The following MYO9B variants were observed in gnomAD, a reference collection of about 807,000 sequenced individuals.
MYO9B encodes the protein myosin IXB, also known as unconventional myosin-IXb.
In MYO9B, 71 loss-of-function variants were observed where a neutral mutation model predicts 229.5. That is an observed-to-expected ratio of 0.31 (90% CI 0.26 to 0.38). The LOEUF (loss-of-function observed/expected upper bound fraction) is 0.38, where lower values mean the gene tolerates loss of function less well. Among genes scored for constraint, MYO9B ranks in the 10% least tolerant of loss-of-function variants. The pLI is 1.00. For missense variants in MYO9B, 2,255 were observed against 2,920.5 expected (o/e 0.77, Z 5.25); for synonymous variants, 1,185 against 1,235.8 (o/e 0.96, Z 0.86).
In MYO9B at chr19:17,212,860, C is replaced by CT. The variant is rs1349234287; in HGVS notation, c.*551dup. ...CTTGGGTCACCTGACCCGTGCCTCT[C>CT]TGACACATGTCTCCGGGGGGCAGCC... On this transcript the variant is annotated 3_prime_UTR_variant, in exon 40 of 40. Transcript: ENST00000682292. This position sits in a 1 kb window ranked among gnomAD's most constrained non-coding sequence, Gnocchi z 5.4. The CT allele has an allele frequency of 6.6e-6, 1 of 152,474 alleles. No individual in the cohort carries two copies. Among genetic ancestry groups the CT allele is most frequent in the Admixed American group, 6.5e-5 (1 of 15,270 alleles). 9.4% of individuals were successfully genotyped at this position (152,474 alleles called of 1,614,324 possible).
Position 17,202,803 on chromosome 19 carries a change from G to C in MYO9B, c.4837-39G>C, listed in dbSNP as rs754725719. 1.9e-6 allele frequency: 3 copies of C among 1,560,654 alleles called. No homozygotes were observed. In the South Asian group the frequency reaches 3.5e-5, roughly 18 times the overall value. On this transcript the variant is annotated intron_variant, in intron 28 of 39. Transcript: ENST00000682292. The stretch of plus-strand genomic sequence containing the variant: ...CAGGGGTGGGTTGGGGCTCTTCCCA[G>C]GGGGGCCCCCGCCAACCTCCTCCTT...
At chr19:17,164,304 A>T (rs555283913) in intron 10 of MYO9B, among the ~76,000 whole-genome samples, 1 of 152,110 alleles carries the variant, frequency 6.6e-6, no homozygotes, top group African/African-American at 2.4e-5. Context: ...CCAAACAGAA[A>T]ATCTTTTTGT....
In MYO9B at chr19:17,172,279, A is replaced by G; in HGVS notation, c.1794-57A>G. On this transcript the variant is annotated intron_variant, in intron 11 of 39. Coordinates refer to ENST00000682292, the MANE Select transcript of MYO9B (RefSeq NM_004145.4). The surrounding 1 kb of genome is among the most constrained non-coding windows in gnomAD (Gnocchi z 8.2). Reference sequence around the variant, plus strand: ...ACCAGGGGTCTGCAAGATAAAATACACAGCAGGTAAATCAGCCGCTGTTCA... The same window carrying G: ...ACCAGGGGTCTGCAAGATAAAATACGCAGCAGGTAAATCAGCCGCTGTTCA... The G allele has an allele frequency of 6.2e-7, 1 of 1,603,822 alleles. No individual in the cohort carries two copies. Among genetic ancestry groups the G allele is most frequent in the East Asian group, 2.2e-5 (1 of 44,742 alleles).
chr19:17,113,427 T>C (rs1599336020), intron 2 of MYO9B, among the ~76,000 whole-genome samples: 2 of 152,286 alleles, frequency 1.3e-5, no homozygotes, highest in East Asian at 1.9e-4. Flanking sequence ...ATTAGGGCTC[T>C]CAGGAGTTTC....
rs1358341792 is a variant in MYO9B, at chr19:17,198,320, G to A, written c.4238+12G>A. On this transcript the variant is annotated intron_variant, in intron 24 of 39. Coordinates refer to ENST00000682292, the MANE Select transcript of MYO9B (RefSeq NM_004145.4). ...CAGGTCGACTCTAAGTAAGTATTGG[G>A]CTTGGGGGAAACTCAGGCCACCAGA... The A allele has an allele frequency of 3.7e-6, 6 of 1,613,128 alleles. No homozygotes were observed. The highest frequency in any genetic ancestry group is 5.1e-6 in the Non-Finnish European group (6 of 1,179,558).
At chr19:17,205,135 A>T in intron 30 of MYO9B, 128 bp from the exon 31 acceptor site, 1 of 646,880 alleles carries the variant, frequency 1.5e-6, no homozygotes, top group Non-Finnish European at 2.6e-6. Context: ...TGAGAACAAG[A>T]GTGAGACTCC....
At chr19:17,165,807 G>A (rs188211123) in intron 10 of MYO9B, among the ~76,000 whole-genome samples, 381 of 152,238 alleles carry the variant, frequency 2.5e-3, no homozygotes, top group Non-Finnish European at 4.1e-3. Context: ...GAAGATTCCT[G>A]TTGGACAACA....
intron 27 of MYO9B, 22 bp from the exon 28 acceptor site, chr19:17,202,108 G>A (rs2073112679): frequency 1.2e-6 from 2 of 1,612,934 alleles, no homozygotes; most frequent in Non-Finnish European, 1.7e-6. Context: ...GGCCTGCAGG[G>A]TGACGCCTAG....
chr19:17,107,599 C>A (rs144730459), intron 2 of MYO9B, among the ~76,000 whole-genome samples: 1,619 of 152,296 alleles, frequency 0.011, 33 homozygotes, highest in African/African-American at 0.037. Flanking sequence ...AAGGTGTCCA[C>A]GGGGCCGCAC....
Position 17,185,855 on chromosome 19 carries a change from C to T in MYO9B, c.2497-66C>T, listed in dbSNP as rs934113163. The T allele has an allele frequency of 1.4e-5, 18 of 1,325,146 alleles. No individual in the cohort carries two copies. In the Admixed American group the frequency reaches 3.1e-4, roughly 23 times the overall value. 82.1% of individuals were successfully genotyped at this position (1,325,146 alleles called of 1,614,324 possible). On this transcript the variant is annotated intron_variant, in intron 17 of 39. Coordinates refer to ENST00000682292, the MANE Select transcript of MYO9B (RefSeq NM_004145.4). ...CTGATGCTAGAGTGTCCCAGGTCTG[C>T]TCCCACAGAACAGCGGCTGTCAGGG...
intron 1 of MYO9B, among the ~76,000 whole-genome samples, chr19:17,097,137 A>G (rs2057700834): frequency 6.6e-6 from 1 of 151,644 alleles, no homozygotes; most frequent in African/African-American, 2.4e-5. Flanking sequence ...TCTCTACTAA[A>G]ACAGAGAAAC....
At chr19:17,109,152 G>C (rs1363176578) in intron 2 of MYO9B, among the ~76,000 whole-genome samples, 3 of 151,254 alleles carry the variant, frequency 2.0e-5, no homozygotes, top group Non-Finnish European at 4.4e-5. Context: ...TGCAAGTTCT[G>C]CCTCCCGGGT....
chr19:17,202,834 C>A lies in MYO9B; in HGVS notation c.4837-8C>A. On this transcript the variant is annotated splice_polypyrimidine_tract_variant and splice_region_variant and intron_variant, in intron 28 of 39. Transcript: ENST00000682292. The stretch of plus-strand genomic sequence containing the variant: ...CCCCCGCCAACCTCCTCCTTGTGTT[C>A]CTCACAGCAGAGCAAAGCTCAGAAG... 1 of 1,590,136 alleles carries A rather than the reference C, an allele frequency of 6.3e-7. No individual in the cohort carries two copies. The highest frequency in any genetic ancestry group is 8.6e-7 in the Non-Finnish European group (1 of 1,168,872).
intron 2 of MYO9B, among the ~76,000 whole-genome samples, chr19:17,114,265 A>G (rs1056960141): frequency 6.6e-5 from 10 of 152,156 alleles, no homozygotes; most frequent in Non-Finnish European, 1.5e-4. Context: ...TTGGAGTTAC[A>G]CATCAACCCG....
chr19:17,203,062 G>C, intron 29 of MYO9B, 85 bp from the exon 30 acceptor site: 1 of 1,388,424 alleles, frequency 7.2e-7, no homozygotes, highest in Admixed American at 2.0e-5. Flanking sequence ...AGTCACCCCT[G>C]AGATCCCATG....
intron 18 of MYO9B, among the ~76,000 whole-genome samples, chr19:17,186,322 G>A (rs1045689876): frequency 5.3e-5 from 8 of 152,164 alleles, no homozygotes; most frequent in African/African-American, 1.7e-4. Context: ...ACATAGCAGA[G>A]TCTCAGAGGC....
Position 17,206,759 on chromosome 19 carries a change from G to A in MYO9B, c.5467G>A (p.Glu1823Lys), listed in dbSNP as rs2073166835. 1 of 1,589,550 alleles carries A rather than the reference G, an allele frequency of 6.3e-7. No homozygotes were observed. Residue 1823 changes from glutamate to lysine, a missense_variant, in exon 34 of 40, where the codon GAG (glutamate) becomes AAG (lysine). Glu to Lys is a moderately conservative substitution (Grantham distance 56). This residue lies in a region of MYO9B where 416 missense variants were observed against 605.5 expected (regional missense o/e 0.69). Transcript: ENST00000682292. ...HLPEANHNSL[E>K]RLIFHLVKVA... ...TCCAGAAGCCAACCACAACTCCCTG[G>A]AGAGACTCATCTTCCACCTTGTCAA...
Position 17,193,331 on chromosome 19 carries a change from C to T in MYO9B, c.3128+269C>T, listed in dbSNP as rs2073006687. Among the ~76,000 whole-genome samples the T allele has an allele frequency of 6.6e-6, 1 of 152,182 alleles. No homozygotes were observed. The highest frequency in any genetic ancestry group is 2.4e-5 in the African/African-American group (1 of 41,448). ...CCCAGGGACTCCCCTGTACCTGGAT[C>T]GGTCAGGGAACACCTGGATTCAGGG... On this transcript the variant is annotated intron_variant, in intron 21 of 39. Coordinates refer to ENST00000682292, the MANE Select transcript of MYO9B (RefSeq NM_004145.4). The surrounding 1 kb of genome is among the most constrained non-coding windows in gnomAD (Gnocchi z 4.3).
chr19:17,210,670 G>A (rs925675592), intron 37 of MYO9B, 45 bp from the exon 38 acceptor site: 27 of 1,492,394 alleles, frequency 1.8e-5, no homozygotes, highest in Non-Finnish European at 2.3e-5. Flanking sequence ...CAGTAACCTC[G>A]CCCACTCAGA....
Sources: allele counts gnomAD v4.1 joint callset (sites outside exome capture counted in the v4.1 genomes callset), GRCh38; gene constraint gnomAD v4.1.1; regional missense constraint gnomAD v4.1.1; non-coding constraint Gnocchi (gnomAD v3.1); transcripts MANE v1.5; gene names NCBI Gene and HGNC (gene_info 2026-07-23, HGNC 2026-07-21).